The following ABCE1 variants were observed in gnomAD, a reference collection of about 807,000 sequenced individuals.
The protein encoded by ABCE1 is ATP binding cassette subfamily E member 1, also known as ATP-binding cassette sub-family E member 1.
Under a neutral mutation model 83.4 loss-of-function variants are expected in ABCE1, and 22 were observed. The ratio of observed to expected loss-of-function variants is 0.26; its 90% confidence interval spans 0.19 to 0.38. The LOEUF is 0.38. Ranked by LOEUF, ABCE1 falls within the 10% of genes least tolerant of loss-of-function variation. ABCE1 has a pLI of 1.00. For synonymous variants in ABCE1, 204 were observed against 233.7 expected, an observed-to-expected ratio of 0.87 and a Z score of 1.16; for missense variants, 330 against 721.9, an observed-to-expected ratio of 0.46 and a Z score of 6.22.
intron 5 of ABCE1, 99 bp downstream of exon 5, chr4:145,109,348 ATTAT>A (rs1749398890): frequency 3.1e-6 from 2 of 636,648 alleles, no homozygotes; most frequent in Admixed American, 3.4e-5. Flanking sequence ...TATTTTCAAA[ATTAT>A]TTATGGAATT....
Position 145,112,308 on chromosome 4 carries a change from A to G in ABCE1, c.780A>G (p.Arg260=), listed in dbSNP as rs757054659. Reference sequence around the variant, plus strand: ...GTTTAAAGGCTGCTATTACTATACGATCTCTAATAAATCCAGATAGGTAAG... The same window carrying G: ...GTTTAAAGGCTGCTATTACTATACGGTCTCTAATAAATCCAGATAGGTAAG... The part of the protein sequence containing the change: ...KQRLKAAITI[R]SLINPDRYII... The change falls in exon 9 of 18, where the codon CGA becomes CGG. Residue 260 remains arginine, a synonymous_variant. Coordinates refer to ENST00000296577, the MANE Select transcript of ABCE1 (RefSeq NM_002940.3). 8 of 1,591,630 alleles carry G rather than the reference A, an allele frequency of 5.0e-6. 1 individual carries two copies. In the South Asian group the frequency reaches 9.2e-5, roughly 18 times the overall value.
chr4:145,105,968 C>T (rs879648159), intron 3 of ABCE1, among the ~76,000 whole-genome samples: 3 of 151,832 alleles, frequency 2.0e-5, no homozygotes, highest in African/African-American at 7.2e-5. Flanking sequence ...AGGACATTAC[C>T]ATCACATTAC....
intron 9 of ABCE1, among the ~76,000 whole-genome samples, chr4:145,113,030 A>G (rs1749523086): frequency 6.6e-6 from 1 of 152,238 alleles, no homozygotes; most frequent in African/African-American, 2.4e-5. Context: ...CCTTTTAAAT[A>G]CATGGCTCAT....
In ABCE1 at chr4:145,129,039, T is replaced by C. The variant is rs910172052; in HGVS notation, c.*1466T>C. ...CTGTGCACTTACCTAAGTGTGAATA[T>C]GTAAAGGGTTTGTTTTGTATACAAA... On this transcript the variant is annotated 3_prime_UTR_variant, in exon 18 of 18. Coordinates refer to ENST00000296577, the MANE Select transcript of ABCE1 (RefSeq NM_002940.3). 1 of 152,208 alleles carries C rather than the reference T, an allele frequency of 6.6e-6. No individual in the cohort carries two copies. The highest frequency in any genetic ancestry group is 1.5e-5 in the Non-Finnish European group (1 of 68,018). The allele number at this position is 152,208 out of a possible 1,614,324, so 9.4% of individuals were successfully genotyped here.
intron 1 of ABCE1, chr4:145,098,674 G>A (rs2126691945): frequency 6.6e-6 from 1 of 152,344 alleles, no homozygotes; most frequent in East Asian, 1.9e-4. Context: ...GAGGGACTTC[G>A]AGAATGGACC....
chr4:145,122,953 A>G, intron 13 of ABCE1, 68 bp from the exon 14 acceptor site: 1 of 1,112,812 alleles, frequency 9.0e-7, no homozygotes, highest in South Asian at 1.8e-5. Flanking sequence ...AACTTTGTCA[A>G]GATTCATAAA....
intron 3 of ABCE1, among the ~76,000 whole-genome samples, chr4:145,106,306 C>T (rs1288175092): frequency 6.6e-6 from 1 of 151,842 alleles, no homozygotes; most frequent in Non-Finnish European, 1.5e-5. Context: ...ATTCAGATAC[C>T]ACACTATTGT....
intron 9 of ABCE1, 135 bp from the exon 10 acceptor site, chr4:145,117,158 C>T: frequency 1.5e-6 from 1 of 680,278 alleles, no homozygotes; most frequent in Non-Finnish European, 2.2e-6. Flanking sequence ...ATGAGCCTTA[C>T]TAAAAATGTT....
chr4:145,126,575 G>C (rs907216411), intron 17 of ABCE1, among the ~76,000 whole-genome samples: 1 of 152,142 alleles, frequency 6.6e-6, no homozygotes, highest in African/African-American at 2.4e-5. Context: ...GATTACAGGC[G>C]TGAGCCACCA....
intron 9 of ABCE1, 127 bp downstream of exon 9, chr4:145,112,455 CCTAAATT>C: frequency 1.5e-6 from 1 of 678,034 alleles, no homozygotes; most frequent in South Asian, 2.0e-5. Context: ...ATAGCTGCCA[CCTAAATT>C]TACCTTTCTT....
intron 17 of ABCE1, among the ~76,000 whole-genome samples, chr4:145,126,280 T>TTTTTGG (rs1749885319): frequency 1.3e-5 from 2 of 152,176 alleles, no homozygotes; most frequent in Non-Finnish European, 2.9e-5. Flanking sequence ...CTGGGTTGTT[T>TTTTTGG]TTTTGGTTTT....
chr4:145,110,476 A>G (rs1036540564), intron 7 of ABCE1, 32 bp downstream of exon 7: 9 of 1,587,894 alleles, frequency 5.7e-6, no homozygotes, highest in South Asian at 1.1e-5. Context: ...GTGTGAATAT[A>G]TATTTATTTA....
At position 145,123,074 on chromosome 4, in the gene ABCE1, A is replaced by G; in HGVS notation, c.1317A>G (p.Pro439=). 1 of 1,606,860 alleles carries G rather than the reference A, an allele frequency of 6.2e-7. No homozygotes were observed. Among genetic ancestry groups the G allele is most frequent in the South Asian group, 1.1e-5 (1 of 88,994 alleles). ...AGATAAGAGATGCTTATACTCACCCACAATTTGTGACCGATGTAATGAAGC... is the reference window on the plus strand; with the variant it reads ...AGATAAGAGATGCTTATACTCACCCGCAATTTGTGACCGATGTAATGAAGC... ...HEKIRDAYTH[P]QFVTDVMKPL... The change falls in exon 14 of 18, where the codon CCA becomes CCG. Residue 439 remains proline, a synonymous_variant. Coordinates refer to ENST00000296577, the MANE Select transcript of ABCE1 (RefSeq NM_002940.3).
At chr4:145,123,972 C>T (rs1182803803) in intron 16 of ABCE1, 1 of 160,332 alleles carries the variant, frequency 6.2e-6, no homozygotes, top group Non-Finnish European at 1.4e-5. Context: ...ATGATTTGTC[C>T]AACTTATGCT....
At chr4:145,124,447 T>C (rs918093467) in intron 16 of ABCE1, among the ~76,000 whole-genome samples, 29 of 152,116 alleles carry the variant, frequency 1.9e-4, no homozygotes, top group African/African-American at 7.0e-4. Context: ...TCTAGTGATA[T>C]CCCACCTTTC....
Position 145,120,534 on chromosome 4 carries a change from C to CT in ABCE1, c.1144+385dup, listed in dbSNP as rs35320292. Among the ~76,000 whole-genome samples, 905 of 152,108 alleles carry CT rather than the reference C, an allele frequency of 5.9e-3. 10 individuals are homozygous for CT. Among genetic ancestry groups the CT allele is most frequent in the Non-Finnish European group, 8.9e-3 (606 of 67,912 alleles). ...TTTCCTCATACACTTCAATGTGGAACTTTTCTTATTTTAAATTCAGAGCAA... is the reference window on the plus strand; with the variant it reads ...TTTCCTCATACACTTCAATGTGGAACTTTTTCTTATTTTAAATTCAGAGCAA... On this transcript the variant is annotated intron_variant, in intron 11 of 17. Transcript: ENST00000296577.
rs1388440202 is a variant in ABCE1 at position 145,107,126 on chromosome 4, T to A, written c.190-889T>A. On this transcript the variant is annotated intron_variant, in intron 3 of 17. Coordinates refer to ENST00000296577, the MANE Select transcript of ABCE1 (RefSeq NM_002940.3). ...TGTTCTTGTTCCTTGGACAGTCATCTTATAGTTGAATGTTATTTGAATAAG... is the reference window on the plus strand; with the variant it reads ...TGTTCTTGTTCCTTGGACAGTCATCATATAGTTGAATGTTATTTGAATAAG... 3.3e-5 allele frequency among the ~76,000 whole-genome samples: 5 copies of A among 152,168 alleles called. No homozygotes were observed. The South Asian group carries it at 1.0e-3, about 31-fold the overall frequency.
intron 2 of ABCE1, among the ~76,000 whole-genome samples, chr4:145,104,975 A>G (rs1178704462): frequency 6.6e-6 from 1 of 152,086 alleles, no homozygotes; most frequent in African/African-American, 2.4e-5. Context: ...TAAATTTCCA[A>G]CAATTCAGTT....
intron 17 of ABCE1, among the ~76,000 whole-genome samples, chr4:145,126,058 C>G (rs983934050): frequency 4.6e-5 from 7 of 151,890 alleles, no homozygotes; most frequent in African/African-American, 1.5e-4. Flanking sequence ...GCCCCCGCAA[C>G]CCCCGCAAAA....
Sources: gnomAD v4.1 joint callset for allele counts (sites outside exome capture counted in the v4.1 genomes callset) on GRCh38, gnomAD v4.1.1 for gene constraint, MANE v1.5 for transcripts, NCBI Gene and HGNC (gene_info 2026-07-23, HGNC 2026-07-21) for gene names.